Variants in CACNA1E observed in about 807,000 individuals in gnomAD.
The protein encoded by CACNA1E is calcium voltage-gated channel subunit alpha1 E.
In CACNA1E, 40 loss-of-function variants were observed where a neutral mutation model predicts 259.2. The ratio of observed to expected loss-of-function variants is 0.15; its 90% CI spans 0.12 to 0.20. The LOEUF (loss-of-function observed/expected upper bound fraction) is 0.20. Ranked by LOEUF, CACNA1E falls within the 10% of genes least tolerant of loss-of-function variation. The pLI is 1.00. For synonymous variants in CACNA1E, 1,104 were observed against 1,138.5 expected, an observed-to-expected ratio of 0.97 and a Z score of 0.61; for missense variants, 1,874 against 3,040.1, an observed-to-expected ratio of 0.62 and a Z score of 9.02.
chr1:181,747,083 G>C (rs531465901), intron 25 of CACNA1E, among the ~76,000 whole-genome samples: 4 of 152,162 alleles, frequency 2.6e-5, no homozygotes, highest in Non-Finnish European at 5.9e-5. Context: ...TGAGACACTC[G>C]AGGCTCCTCA....
At chr1:181,386,777 A>T (rs989579368) in intron 1 of CACNA1E, among the ~76,000 whole-genome samples, 2 of 152,150 alleles carry the variant, frequency 1.3e-5, no homozygotes, top group African/African-American at 2.4e-5. Context: ...CTGCACCCCC[A>T]TGTAGGCCCT....
At chr1:181,642,844 T>C (rs1657922440) in intron 6 of CACNA1E, among the ~76,000 whole-genome samples, 1 of 152,202 alleles carries the variant, frequency 6.6e-6, no homozygotes, top group African/African-American at 2.4e-5. Flanking sequence ...AGCATCTGCC[T>C]CCCCAGCACC....
chr1:181,657,285 A>G (rs751162598), intron 7 of CACNA1E, among the ~76,000 whole-genome samples: 68 of 152,282 alleles, frequency 4.5e-4, no homozygotes, highest in Non-Finnish European at 8.2e-4. Context: ...AGGAGGGGAA[A>G]GGGAGGGGGA....
At chr1:181,769,772 T>G (rs1052942893) in intron 35 of CACNA1E, among the ~76,000 whole-genome samples, 2 of 152,194 alleles carry the variant, frequency 1.3e-5, no homozygotes, top group Non-Finnish European at 2.9e-5. Flanking sequence ...GTAAGTTGTA[T>G]GTCTGTGGTG....
At chr1:181,616,537 C>A (rs1274614621) in intron 6 of CACNA1E, among the ~76,000 whole-genome samples, 1 of 151,966 alleles carries the variant, frequency 6.6e-6, no homozygotes, top group Non-Finnish European at 1.5e-5. Flanking sequence ...ATGGTGAAAC[C>A]CCATCTCTAC....
Position 181,772,053 on chromosome 1 carries a change from C to G in CACNA1E, c.4974-13C>G, listed in dbSNP as rs376965760. On this transcript the variant is annotated splice_polypyrimidine_tract_variant and intron_variant, in intron 36 of 47. Transcript: ENST00000367573. ...GAGCTGCTCCTGCTAACCAAAATGT[C>G]TCTTGGGCTCAGGAGTGCCACAGGT... 12 of 1,612,548 alleles carry G rather than the reference C, an allele frequency of 7.4e-6. No individual in the cohort carries two copies. The highest frequency in any genetic ancestry group is 4.0e-5 in the African/African-American group (3 of 74,996).
At chr1:181,410,773 C>T (rs1657788903) in intron 1 of CACNA1E, among the ~76,000 whole-genome samples, 1 of 152,148 alleles carries the variant, frequency 6.6e-6, no homozygotes, top group Non-Finnish European at 1.5e-5. Flanking sequence ...CTGGGTGGGG[C>T]TCTCTACCTT....
At chr1:181,334,339 T>C (rs1343786958) in intron 1 of CACNA1E, among the ~76,000 whole-genome samples, 1 of 152,210 alleles carries the variant, frequency 6.6e-6, no homozygotes, top group African/African-American at 2.4e-5. Context: ...TATAATCACT[T>C]ATCCAAGGTC....
At chr1:181,726,233 TA>T in intron 18 of CACNA1E, 71 bp downstream of exon 18, 2 of 1,089,646 alleles carry the variant, frequency 1.8e-6, no homozygotes, top group Non-Finnish European at 2.8e-6. Context: ...CTCACAGAAC[TA>T]TTGGTTATAG....
At position 181,763,391 on chromosome 1, in the gene CACNA1E, C is replaced by T. The variant is rs748247786; in HGVS notation, c.4690-15C>T. Reference sequence around the variant, plus strand: ...CATAATGTTCCTAATTATATGTTTCCTTTTGGTCCACCAGCTGGTGAACAC... The same window carrying T: ...CATAATGTTCCTAATTATATGTTTCTTTTTGGTCCACCAGCTGGTGAACAC... On this transcript the variant is annotated splice_polypyrimidine_tract_variant and intron_variant, in intron 33 of 47. Transcript: ENST00000367573. The T allele has an allele frequency of 6.4e-7, 1 of 1,566,014 alleles. No individual in the cohort carries two copies. Among genetic ancestry groups the T allele is most frequent in the South Asian group, 1.2e-5 (1 of 86,098 alleles).
intron 7 of CACNA1E, among the ~76,000 whole-genome samples, chr1:181,656,501 C>A (rs1339624089): frequency 1.3e-5 from 2 of 152,146 alleles, no homozygotes; most frequent in African/African-American, 4.8e-5. Context: ...GTGTTTTAAG[C>A]TAAGCATTAT....
chr1:181,765,876 G>T (rs1334152759), intron 34 of CACNA1E, among the ~76,000 whole-genome samples: 1 of 152,174 alleles, frequency 6.6e-6, no homozygotes, highest in East Asian at 1.9e-4. Flanking sequence ...CTCTAAAACT[G>T]AAATGTTATC....
chr1:181,446,036 A>C (rs1015456220), intron 2 of CACNA1E, among the ~76,000 whole-genome samples: 1 of 152,168 alleles, frequency 6.6e-6, no homozygotes, highest in Non-Finnish European at 1.5e-5. Flanking sequence ...CTTGGAGCCC[A>C]CCTGACAACT....
rs937436824 is a variant in CACNA1E, at chr1:181,710,233, T to A, written c.1056-721T>A. On this transcript the variant is annotated intron_variant, in intron 7 of 47. Coordinates refer to ENST00000367573, the MANE Select transcript of CACNA1E (RefSeq NM_001205293.3). The stretch of plus-strand genomic sequence containing the variant: ...CACCTTCCCACTGGCTTTATGGGAG[T>A]CAGGTGTCCTTCTCACGTCCCTTCC... Among the ~76,000 whole-genome samples the A allele has an allele frequency of 7.7e-5, 10 of 130,184 alleles. No homozygotes were observed. In the Admixed American group the frequency reaches 9.1e-4, roughly 12 times the overall value. 85.4% of individuals were successfully genotyped at this position (130,184 alleles called of 152,430 possible).
chr1:181,592,094 T>G (rs1652704922), intron 6 of CACNA1E, among the ~76,000 whole-genome samples: 1 of 152,186 alleles, frequency 6.6e-6, no homozygotes, highest in African/African-American at 2.4e-5. Flanking sequence ...CAGAGCCTTC[T>G]CTGACTATCC....
intron 1 of CACNA1E, among the ~76,000 whole-genome samples, chr1:181,493,257 C>T (rs1664469742): frequency 6.6e-6 from 1 of 152,180 alleles, no homozygotes; most frequent in Admixed American, 6.5e-5. Flanking sequence ...AGTAGTGATT[C>T]TCAACCAAAT....
chr1:181,442,572 C>T (rs1011329399), intron 2 of CACNA1E, among the ~76,000 whole-genome samples: 4 of 151,678 alleles, frequency 2.6e-5, no homozygotes, highest in African/African-American at 9.8e-5. Flanking sequence ...AGTGGGCCAC[C>T]TCCCCACTTC....
chr1:181,792,862 C>A (rs190436569), intron 44 of CACNA1E, among the ~76,000 whole-genome samples: 37 of 152,310 alleles, frequency 2.4e-4, no homozygotes, highest in African/African-American at 8.2e-4. Flanking sequence ...AATGACAGAA[C>A]CTTAGAGATT....
intron 1 of CACNA1E, among the ~76,000 whole-genome samples, chr1:181,506,352 G>GGGTGCCTC (rs1665708902): frequency 6.6e-6 from 1 of 152,196 alleles, no homozygotes; most frequent in Admixed American, 6.5e-5. Flanking sequence ...GGGAAGAAAT[G>GGGTGCCTC]GGAGTGGTGC....
Sources: gnomAD v4.1 joint callset for allele counts (sites outside exome capture counted in the v4.1 genomes callset) on GRCh38, gnomAD v4.1.1 for gene constraint, MANE v1.5 for transcripts, NCBI Gene and HGNC (gene_info 2026-07-23, HGNC 2026-07-21) for gene names.